Variants in DENND4A observed in about 807,000 individuals in gnomAD.
The protein encoded by DENND4A is C-myc promoter-binding protein.
In DENND4A, 70 loss-of-function variants were observed where a neutral mutation model predicts 199.3. The ratio of observed to expected loss-of-function variants is 0.35; its 90% CI spans 0.29 to 0.43. The LOEUF (loss-of-function observed/expected upper bound fraction) is 0.43. Ranked by LOEUF, DENND4A falls within the 20% of genes least tolerant of loss-of-function variation. The pLI is 1.00. For synonymous variants in DENND4A, 686 were observed against 766.9 expected, an observed-to-expected ratio of 0.89 and a Z score of 1.74; for missense variants, 1,723 against 2,255.8, an observed-to-expected ratio of 0.76 and a Z score of 4.78.
At chr15:65,721,733 C>T (rs1438707007) in intron 12 of DENND4A, among the ~76,000 whole-genome samples, 1 of 152,048 alleles carries the variant, frequency 6.6e-6, no homozygotes, top group Non-Finnish European at 1.5e-5. Context: ...CCTGCCTCAG[C>T]CTCCCAAGCA....
At position 65,700,527 on chromosome 15, in the gene DENND4A, C is replaced by T; in HGVS notation, c.2833+17G>A. 4 of 1,411,322 alleles carry T rather than the reference C, an allele frequency of 2.8e-6. No homozygotes were observed. The highest frequency in any genetic ancestry group is 2.8e-6 in the Non-Finnish European group (3 of 1,073,748). The allele number at this position is 1,411,322 out of a possible 1,614,324, so 87.4% of individuals were successfully genotyped here. The stretch of plus-strand genomic sequence containing the variant: ...AAAAATGTACTATAATAAATGTATA[C>T]ATAAGCATACACAAACCTGTACTAG... On this transcript the variant is annotated intron_variant, in intron 20 of 32. Coordinates refer to ENST00000443035, the MANE Select transcript of DENND4A (RefSeq NM_001320835.1).
intron 4 of DENND4A, among the ~76,000 whole-genome samples, chr15:65,749,430 C>A (rs1160053407): frequency 6.6e-6 from 1 of 152,106 alleles, no homozygotes; most frequent in African/African-American, 2.4e-5. Flanking sequence ...CGGTGTATAG[C>A]ACAGAAGAGC....
intron 1 of DENND4A, among the ~76,000 whole-genome samples, chr15:65,766,069 T>C (rs991675425): frequency 6.6e-6 from 1 of 152,104 alleles, no homozygotes; most frequent in Non-Finnish European, 1.5e-5. Flanking sequence ...GCCAACATAG[T>C]GAAACCCTGT....
chr15:65,759,997 T>C (rs2140734880), intron 2 of DENND4A, among the ~76,000 whole-genome samples: 1 of 152,342 alleles, frequency 6.6e-6, no homozygotes, highest in African/African-American at 2.4e-5. Context: ...CTAGTATTTC[T>C]TCAGGATACA....
chr15:65,660,412 C>G lies in DENND4A; in HGVS notation c.*1439G>C. On this transcript the variant is annotated 3_prime_UTR_variant, in exon 33 of 33. Transcript: ENST00000443035. Reference sequence around the variant, plus strand: ...ACCTCCAGTCCAAGTGTCGTGGACTCTACTGGCTTTATACACCTAATTTGG... The same window carrying G: ...ACCTCCAGTCCAAGTGTCGTGGACTGTACTGGCTTTATACACCTAATTTGG... The G allele has an allele frequency of 1.1e-5, 11 of 963,572 alleles. No homozygotes were observed. The highest frequency in any genetic ancestry group is 2.6e-5 in the East Asian group (1 of 37,960). The allele number at this position is 963,572 out of a possible 1,614,324, so 59.7% of individuals were successfully genotyped here.
At chr15:65,711,378 C>T (rs1407049458) in intron 14 of DENND4A, among the ~76,000 whole-genome samples, 1 of 152,138 alleles carries the variant, frequency 6.6e-6, no homozygotes, top group African/African-American at 2.4e-5. Context: ...CCTGTGGTCC[C>T]AGCTACTCAG....
chr15:65,731,691 G>A lies in DENND4A; in HGVS notation c.1117C>T (p.His373Tyr). The change falls in exon 9 of 33, where the codon CAT (histidine) becomes TAT (tyrosine). Residue 373 changes from histidine to tyrosine, a missense_variant. Transcript: ENST00000443035. ...RPRILVQLSP[H>Y]DNLILSQPVS... is the part of the protein sequence containing the mutation. ...GGCTGACTGAGAATCAGATTATCATGTGGTGATAACTGGAAGAAGATTTAA... is the reference window on the plus strand; with the variant it reads ...GGCTGACTGAGAATCAGATTATCATATGGTGATAACTGGAAGAAGATTTAA... 1.3e-6 allele frequency: 2 copies of A among 1,555,628 alleles called. No individual in the cohort carries two copies. The highest frequency in any genetic ancestry group is 8.7e-7 in the Non-Finnish European group (1 of 1,148,332).
chr15:65,665,561 G>A, intron 29 of DENND4A, 99 bp from the exon 30 acceptor site: 2 of 853,494 alleles, frequency 2.3e-6, no homozygotes, highest in East Asian at 2.8e-5. Flanking sequence ...ATGTATATGT[G>A]CGAGACAGAA....
At chr15:65,695,223 A>C (rs1317893952) in intron 22 of DENND4A, among the ~76,000 whole-genome samples, 6 of 152,214 alleles carry the variant, frequency 3.9e-5, no homozygotes, top group African/African-American at 1.4e-4. Context: ...CAAGGGCTAA[A>C]GAGTAAATAT....
rs2077148405 is a variant in DENND4A at position 65,696,446 on chromosome 15, C to T, written c.3002G>A (p.Ser1001Asn). ...KGSADCLPKL[S>N]YQNSSSIVRL... ...AACGATACTGGAAGAATTTTGATAACTGAGCTTAGGAAGGCAATCAGCACT... is the reference window on the plus strand; with the variant it reads ...AACGATACTGGAAGAATTTTGATAATTGAGCTTAGGAAGGCAATCAGCACT... The change falls in exon 22 of 33, where the codon AGT becomes AAT. Residue 1001 changes from serine (S) to asparagine (N), a missense_variant. Physicochemically the swap from Ser to Asn is conservative, Grantham distance 46. Transcript: ENST00000443035. The T allele has an allele frequency of 6.2e-7, 1 of 1,612,818 alleles. No individual in the cohort carries two copies. Among genetic ancestry groups the T allele is most frequent in the African/African-American group, 1.3e-5 (1 of 74,988 alleles).
At chr15:65,697,009 T>C (rs1427254064) in intron 21 of DENND4A, 2 of 357,592 alleles carry the variant, frequency 5.6e-6, no homozygotes, top group Non-Finnish European at 1.0e-5. Context: ...TTCTACTAAA[T>C]ACATGTATTT....
intron 30 of DENND4A, chr15:65,664,934 CA>C (rs1248133538): frequency 4.0e-6 from 2 of 498,580 alleles, no homozygotes; most frequent in Non-Finnish European, 3.5e-6. Context: ...CTTAAATAGA[CA>C]ATAACTAAGA....
chr15:65,774,793 G>C, intron 1 of DENND4A, among the ~76,000 whole-genome samples: 1 of 150,700 alleles, frequency 6.6e-6, no homozygotes. Flanking sequence ...AAATTACATA[G>C]GCTTATACAA....
At chr15:65,672,775 G>C (rs1282055504) in intron 24 of DENND4A, among the ~76,000 whole-genome samples, 1 of 152,074 alleles carries the variant, frequency 6.6e-6, no homozygotes, top group Non-Finnish European at 1.5e-5. Context: ...GACAGTGATT[G>C]TATCTTGTCA....
chr15:65,729,344 AGC>A, intron 10 of DENND4A, 97 bp from the exon 11 acceptor site: 1 of 1,404,762 alleles, frequency 7.1e-7, no homozygotes, highest in Non-Finnish European at 9.9e-7. Flanking sequence ...TATTATCTAA[AGC>A]CTAATGCCTG....
chr15:65,776,965 C>T (rs1294827481), intron 1 of DENND4A, among the ~76,000 whole-genome samples: 3 of 151,902 alleles, frequency 2.0e-5, no homozygotes, highest in African/African-American at 7.3e-5. Context: ...GCCAGGAGTT[C>T]GAGGCCAGCC....
At chr15:65,736,978 G>A (rs1246292782) in intron 7 of DENND4A, among the ~76,000 whole-genome samples, 8 of 151,974 alleles carry the variant, frequency 5.3e-5, no homozygotes, top group Admixed American at 5.2e-4. Flanking sequence ...TTGATCTGGC[G>A]ATTCCATTAC....
chr15:65,779,405 G>A (rs1477527792), intron 1 of DENND4A, among the ~76,000 whole-genome samples: 3 of 148,094 alleles, frequency 2.0e-5, no homozygotes, highest in South Asian at 4.3e-4. Flanking sequence ...GCAGTGAGCC[G>A]AGATTGCACC....
At chr15:65,712,378 G>C (rs2075277082) in intron 14 of DENND4A, among the ~76,000 whole-genome samples, 1 of 152,122 alleles carries the variant, frequency 6.6e-6, no homozygotes, top group Non-Finnish European at 1.5e-5. Flanking sequence ...GGCAAAAACA[G>C]TCATAATATT....
Sources: gnomAD v4.1 joint callset for allele counts (sites outside exome capture counted in the v4.1 genomes callset) on GRCh38, gnomAD v4.1.1 for gene constraint, MANE v1.5 for transcripts, NCBI Gene and HGNC (gene_info 2026-07-23, HGNC 2026-07-21) for gene names.